KYNU: variants seen among roughly 807,000 people sequenced by gnomAD.
The protein encoded by KYNU is kynureninase, also known as L-kynurenine hydrolase.
Under a neutral mutation model 59.2 loss-of-function variants are expected in KYNU, and 54 were observed. The ratio of observed to expected loss-of-function variants is 0.91; its 90% CI spans 0.73 to 1.14. The LOEUF (loss-of-function observed/expected upper bound fraction) is 1.14, where lower values mean the gene tolerates loss of function less well. Among genes scored for constraint, KYNU ranks in the 50% most tolerant of loss-of-function variants. KYNU has a pLI of 0.00. For missense variants in KYNU, 567 were observed against 554.4 expected (o/e 1.02, Z -0.23); for synonymous variants, 177 against 192.0 (o/e 0.92, Z 0.65).
chr2:143,038,037 C>T (rs1686935613), intron 12 of KYNU, among the ~76,000 whole-genome samples: 2 of 152,086 alleles, frequency 1.3e-5, no homozygotes, highest in African/African-American at 4.8e-5. Flanking sequence ...AAATTGGTTT[C>T]TAGTTATCAA....
intron 1 of KYNU, among the ~76,000 whole-genome samples, chr2:142,880,038 G>A (rs981910398): frequency 6.6e-6 from 1 of 152,202 alleles, no homozygotes; most frequent in Non-Finnish European, 1.5e-5. Context: ...TGGTCAGAAT[G>A]AGAGAGGGTG....
chr2:142,902,495 T>C (rs1324040591), intron 2 of KYNU, among the ~76,000 whole-genome samples: 1 of 152,228 alleles, frequency 6.6e-6, no homozygotes. Flanking sequence ...AATCCATATT[T>C]GGCAGAAGCC....
At chr2:142,925,866 C>T (rs967274582) in intron 3 of KYNU, among the ~76,000 whole-genome samples, 1 of 152,208 alleles carries the variant, frequency 6.6e-6, no homozygotes, top group African/African-American at 2.4e-5. Flanking sequence ...ATACAAAAAG[C>T]ACATTTTCAT....
intron 12 of KYNU, among the ~76,000 whole-genome samples, chr2:143,034,113 G>T (rs965272287): frequency 6.6e-6 from 1 of 150,958 alleles, no homozygotes; most frequent in Admixed American, 6.6e-5. Flanking sequence ...AAATATATAG[G>T]TTATATAGTA....
chr2:142,956,785 A>C (rs1300258573), intron 6 of KYNU, among the ~76,000 whole-genome samples: 1 of 152,106 alleles, frequency 6.6e-6, no homozygotes. Context: ...ACTTTACTTG[A>C]TGATGAGTTG....
Position 142,960,640 on chromosome 2 carries a change from G to C in KYNU, c.599G>C (p.Arg200Thr). 1 of 1,613,750 alleles carries C rather than the reference G, an allele frequency of 6.2e-7. No individual in the cohort carries two copies. The highest frequency in any genetic ancestry group is 8.5e-7 in the Non-Finnish European group (1 of 1,179,752). Residue 200 changes from arginine (R) to threonine (T), a missense_variant, in exon 8 of 14, where the codon AGA becomes ACA. Physicochemically the swap from Arg to Thr is moderately conservative, Grantham distance 71. Coordinates refer to ENST00000264170, the MANE Select transcript of KYNU (RefSeq NM_003937.3). Reference protein sequence around the residue: ...IKPREGEETLRIEDILEVIEK... With the variant: ...IKPREGEETLTIEDILEVIEK... ...TTGATTTAGGGGGAAGAAACCTTAA[G>C]AATAGAGGATATCCTTGAAGTAATT...
In KYNU at chr2:143,043,899, A is replaced by C. The variant is rs1210390532; in HGVS notation, c.*1727A>C. ...CGTGCAGAACATGCAGGTTTGTTAC[A>C]TAGGTATACATGTGCCGTGGTGGAT... On this transcript the variant is annotated 3_prime_UTR_variant, in exon 14 of 14. Coordinates refer to ENST00000264170, the MANE Select transcript of KYNU (RefSeq NM_003937.3). The C allele has an allele frequency of 6.6e-6, 1 of 151,120 alleles. No individual in the cohort carries two copies. The highest frequency in any genetic ancestry group is 6.6e-5 in the Admixed American group (1 of 15,074). The allele number at this position is 151,120 out of a possible 1,614,324, so 9.4% of individuals were successfully genotyped here.
At chr2:142,905,386 T>C (rs1429639559) in intron 2 of KYNU, among the ~76,000 whole-genome samples, 1 of 152,218 alleles carries the variant, frequency 6.6e-6, no homozygotes, top group Non-Finnish European at 1.5e-5. Context: ...AGTCTCACTA[T>C]CAATTAATGA....
intron 2 of KYNU, among the ~76,000 whole-genome samples, chr2:142,892,413 A>C (rs1681744972): frequency 1.3e-5 from 2 of 152,208 alleles, no homozygotes; most frequent in African/African-American, 4.8e-5. Flanking sequence ...TTGCAAACAC[A>C]CAAGAGAAAG....
chr2:142,877,877 T>C (rs570721161), intron 1 of KYNU, 141 bp downstream of exon 1: 1 of 152,304 alleles, frequency 6.6e-6, no homozygotes, highest in Non-Finnish European at 1.5e-5. Flanking sequence ...TTTATATATA[T>C]TCTTTTTGTA....
At chr2:142,892,362 T>A (rs547755909) in intron 2 of KYNU, among the ~76,000 whole-genome samples, 21 of 152,326 alleles carry the variant, frequency 1.4e-4, no homozygotes, top group African/African-American at 4.3e-4. Context: ...TAGGCAGACC[T>A]TAGTGTGGAG....
chr2:142,972,512 T>C (rs1684755542), intron 8 of KYNU, among the ~76,000 whole-genome samples: 1 of 152,146 alleles, frequency 6.6e-6, no homozygotes, highest in South Asian at 2.1e-4. Context: ...TGAATGATAA[T>C]AGCTACAGTT....
In KYNU at chr2:142,883,194, T is replaced by C. The variant is rs1377281897; in HGVS notation, c.-19-2155T>C. 4.7e-3 allele frequency among the ~76,000 whole-genome samples: 596 copies of C among 126,894 alleles called. 3 individuals are homozygous for C. The highest frequency in any genetic ancestry group is 7.5e-3 in the Non-Finnish European group (446 of 59,842). The allele number at this position is 126,894 out of a possible 152,430, so 83.2% of individuals were successfully genotyped here. On this transcript the variant is annotated intron_variant, in intron 1 of 13. Coordinates refer to ENST00000264170, the MANE Select transcript of KYNU (RefSeq NM_003937.3). ...TTCTGGCTCCCAAATTTCTTTTTTT[T>C]TTTTTTTTTTTTTTTTTTTGAGATG...
Position 143,007,387 on chromosome 2 carries a change from C to T in KYNU, c.902+21366C>T, listed in dbSNP as rs1212016938. On this transcript the variant is annotated intron_variant, in intron 10 of 13. Transcript: ENST00000264170. ...GAATAAAAAGAAATGAGCAAAGCCTCCAAGAAATATGGGACTATGTGAAAA... is the reference window on the plus strand; with the variant it reads ...GAATAAAAAGAAATGAGCAAAGCCTTCAAGAAATATGGGACTATGTGAAAA... Among the ~76,000 whole-genome samples the T allele has an allele frequency of 3.4e-5, 5 of 146,364 alleles. No individual in the cohort carries two copies. In the South Asian group the frequency reaches 1.1e-3, roughly 32 times the overall value.
chr2:143,040,703 A>G (rs751767160), intron 13 of KYNU, 45 bp downstream of exon 13: 88 of 1,236,946 alleles, frequency 7.1e-5, no homozygotes, highest in Non-Finnish European at 9.7e-5. Context: ...TATGGGCCGC[A>G]TGTTAGGGAT....
At chr2:142,898,570 T>C (rs1309685261) in intron 2 of KYNU, among the ~76,000 whole-genome samples, 1 of 152,210 alleles carries the variant, frequency 6.6e-6, no homozygotes, top group African/African-American at 2.4e-5. Flanking sequence ...AGTTTTTCCT[T>C]CTAAACTCAA....
intron 8 of KYNU, among the ~76,000 whole-genome samples, chr2:142,976,773 G>A (rs961319149): frequency 7.2e-5 from 11 of 152,048 alleles, no homozygotes; most frequent in African/African-American, 2.7e-4. Flanking sequence ...AGGTGGTCAG[G>A]GTACAGCTTG....
intron 8 of KYNU, among the ~76,000 whole-genome samples, chr2:142,981,987 T>C (rs914496639): frequency 1.2e-4 from 19 of 152,112 alleles, no homozygotes; most frequent in Admixed American, 9.2e-4. Flanking sequence ...TGATCCAAAA[T>C]TAAATTTACA....
At chr2:142,960,508 GA>G (rs141976561) in intron 7 of KYNU, 115 bp from the exon 8 acceptor site, 745 of 778,980 alleles carry the variant, frequency 9.6e-4, no homozygotes, top group East Asian at 1.4e-3. Context: ...ACCTTAATCT[GA>G]AAAAAAAAAC....
Sources: gnomAD v4.1 joint callset for allele counts (sites outside exome capture counted in the v4.1 genomes callset) on GRCh38, gnomAD v4.1.1 for gene constraint, MANE v1.5 for transcripts, NCBI Gene and HGNC (gene_info 2026-07-23, HGNC 2026-07-21) for gene names.